The following MALRD1 variants were observed in gnomAD, a reference collection of about 807,000 sequenced individuals.
The protein encoded by MALRD1 is MAM and LDL receptor class A domain containing 1.
MALRD1 carries 247 observed loss-of-function variants against 242.1 expected under a neutral mutation model. The ratio of observed to expected loss-of-function variants is 1.02; its 90% CI spans 0.92 to 1.13. MALRD1 has a LOEUF of 1.13. MALRD1 is among the 50% of genes most tolerant of loss of function. The probability of loss-of-function intolerance (pLI) is 0.00; values close to 1 mark genes in which losing one functional copy is unlikely to be tolerated. For synonymous variants in MALRD1, 995 were observed against 866.6 expected (o/e 1.15, Z -2.60); for missense variants, 2,989 against 2,533.1 (o/e 1.18, Z -3.86).
chr10:19,471,945 A>G (rs1564370918), intron 29 of MALRD1, among the ~76,000 whole-genome samples: 2 of 151,888 alleles, frequency 1.3e-5, no homozygotes, highest in Non-Finnish European at 2.9e-5. Context: ...CCTGGCAAGG[A>G]CTTGCAGTAC....
chr10:19,627,310 G>T (rs1429400871), intron 36 of MALRD1, among the ~76,000 whole-genome samples: 1 of 152,000 alleles, frequency 6.6e-6, no homozygotes, highest in African/African-American at 2.4e-5. Flanking sequence ...AGCTTAGTAA[G>T]CAGCTGTAAA....
At chr10:19,261,280 T>TA (rs141639649) in intron 19 of MALRD1, among the ~76,000 whole-genome samples, 1,541 of 151,650 alleles carry the variant, frequency 0.01, 25 homozygotes, top group African/African-American at 0.034. Context: ...GGAAGAAAAA[T>TA]AAAAAAAACT....
At chr10:19,462,938 G>T (rs763844250) in intron 29 of MALRD1, among the ~76,000 whole-genome samples, 1 of 152,126 alleles carries the variant, frequency 6.6e-6, no homozygotes, top group Admixed American at 6.6e-5. Context: ...CACATACCTG[G>T]TGTCTTTTAA....
At chr10:19,217,026 C>G (rs992572686) in intron 18 of MALRD1, among the ~76,000 whole-genome samples, 17 of 152,028 alleles carry the variant, frequency 1.1e-4, no homozygotes, top group African/African-American at 3.9e-4. Context: ...TATACACGTT[C>G]TTTCTTCTAA....
At chr10:19,218,712 A>T (rs145152117) in intron 18 of MALRD1, among the ~76,000 whole-genome samples, 13 of 152,260 alleles carry the variant, frequency 8.5e-5, no homozygotes, top group African/African-American at 3.1e-4. Context: ...GGTATTTAAG[A>T]AAAAAGAATA....
At chr10:19,156,460 G>A (rs1226397525) in intron 12 of MALRD1, among the ~76,000 whole-genome samples, 1 of 113,912 alleles carries the variant, frequency 8.8e-6, no homozygotes, top group East Asian at 2.6e-4. Context: ...TAGATATAGA[G>A]CGTTTTTTTT....
intron 29 of MALRD1, among the ~76,000 whole-genome samples, chr10:19,457,878 T>C (rs1835741467): frequency 6.6e-6 from 1 of 152,006 alleles, no homozygotes; most frequent in African/African-American, 2.4e-5. Flanking sequence ...TAAAATTTTT[T>C]AATATTCAAA....
At chr10:19,541,299 A>G (rs1190110982) in intron 32 of MALRD1, among the ~76,000 whole-genome samples, 1 of 151,882 alleles carries the variant, frequency 6.6e-6, no homozygotes, top group Non-Finnish European at 1.5e-5. Flanking sequence ...TTTAAGAGAC[A>G]TATGCAATTA....
At chr10:19,687,469 T>A (rs533276848) in intron 36 of MALRD1, among the ~76,000 whole-genome samples, 1 of 152,206 alleles carries the variant, frequency 6.6e-6, no homozygotes, top group East Asian at 1.9e-4. Flanking sequence ...GCCTAAAATA[T>A]CCCCACTTGC....
At chr10:19,421,556 A>G (rs1237585449) in intron 28 of MALRD1, among the ~76,000 whole-genome samples, 1 of 152,230 alleles carries the variant, frequency 6.6e-6, no homozygotes, top group Non-Finnish European at 1.5e-5. Context: ...AGAATGTTTA[A>G]AAGCTTTACA....
rs529000033 is a variant in MALRD1, at chr10:19,142,171, C to CAAAAAAAAAAAAA, written c.1412-4013_1412-4001dup. Among the ~76,000 whole-genome samples, 45 of 26,270 alleles carry CAAAAAAAAAAAAA rather than the reference C, an allele frequency of 1.7e-3. 3 individuals carry two copies. Among genetic ancestry groups the CAAAAAAAAAAAAA allele is most frequent in the African/African-American group, 6.7e-3 (39 of 5,864 alleles). 17.2% of individuals were successfully genotyped at this position (26,270 alleles called of 152,430 possible). A position where few individuals can be genotyped will look rare whatever the true frequency, so the allele number is the denominator to read the frequency against. On this transcript the variant is annotated intron_variant, in intron 10 of 39. Coordinates refer to ENST00000454679, the MANE Select transcript of MALRD1 (RefSeq NM_001142308.3). ...TGGGCGACAGAGCGAGACTCTAACT[C>CAAAAAAAAAAAAA]AAAAAAAAAAAAAAAAAAAAAAAAA... is the stretch of plus-strand genomic sequence containing the variant.
intron 34 of MALRD1, among the ~76,000 whole-genome samples, chr10:19,596,545 A>G (rs1053877409): frequency 3.3e-5 from 5 of 151,922 alleles, no homozygotes; most frequent in East Asian, 1.9e-4. Flanking sequence ...CCTGGGCAAC[A>G]TAGTGAGAAC....
intron 28 of MALRD1, among the ~76,000 whole-genome samples, chr10:19,444,662 T>C (rs1452012288): frequency 6.6e-6 from 1 of 152,204 alleles, no homozygotes; most frequent in Non-Finnish European, 1.5e-5. Context: ...TTGTAGACTT[T>C]CTGTGGAAAG....
intron 14 of MALRD1, among the ~76,000 whole-genome samples, chr10:19,181,811 G>A (rs925575455): frequency 3.3e-5 from 5 of 151,978 alleles, no homozygotes; most frequent in Non-Finnish European, 7.4e-5. Context: ...CTATCTATAT[G>A]TATCCCATAA....
chr10:19,137,277 G>A (rs1341838835), intron 10 of MALRD1, among the ~76,000 whole-genome samples: 1 of 151,950 alleles, frequency 6.6e-6, no homozygotes, highest in Non-Finnish European at 1.5e-5. Flanking sequence ...TGGCTGCCCT[G>A]GAGGAAGGGC....
intron 11 of MALRD1, among the ~76,000 whole-genome samples, chr10:19,148,780 A>ATATATATATATAT (rs1554797928): frequency 1.4e-5 from 1 of 72,134 alleles, no homozygotes; most frequent in African/African-American, 5.1e-5. Context: ...AATTAAAAAA[A>ATATATATATATAT]AAAAAAAAAT....
At chr10:19,239,820 T>G (rs562413012) in intron 18 of MALRD1, among the ~76,000 whole-genome samples, 2 of 152,266 alleles carry the variant, frequency 1.3e-5, no homozygotes, top group Admixed American at 1.3e-4. Flanking sequence ...GGTATGAGAA[T>G]TTATTTCTGA....
intron 38 of MALRD1, 108 bp from the exon 39 acceptor site, chr10:19,730,598 C>A: frequency 9.1e-7 from 1 of 1,100,678 alleles, no homozygotes. Flanking sequence ...AATAAGTGTG[C>A]TGGCTAGACA....
At chr10:19,595,498 G>A in intron 34 of MALRD1, 41 bp downstream of exon 34, 1 of 1,521,684 alleles carries the variant, frequency 6.6e-7, no homozygotes, top group Non-Finnish European at 8.9e-7. Context: ...GGGAAGGCAT[G>A]CTGCTTTAAA....
Sources: gnomAD v4.1 joint callset for allele counts (sites outside exome capture counted in the v4.1 genomes callset) on GRCh38, gnomAD v4.1.1 for gene constraint, MANE v1.5 for transcripts, NCBI Gene and HGNC (gene_info 2026-07-23, HGNC 2026-07-21) for gene names.